RHBDL2: variants seen among roughly 807,000 people sequenced by gnomAD.
RHBDL2 encodes the protein rhomboid like 2.
Under a neutral mutation model 31.7 loss-of-function variants are expected in RHBDL2, and 26 were observed. The observed-to-expected ratio is 0.82, with a 90% CI of 0.60 to 1.14. The LOEUF is 1.14. Among genes scored for constraint, RHBDL2 ranks in the 50% most tolerant of loss-of-function variants. The pLI is 0.00. For synonymous variants in RHBDL2, 123 were observed against 127.2 expected (o/e 0.97, Z 0.22); for missense variants, 336 against 364.4 (o/e 0.92, Z 0.63).
At chr1:38,937,727 T>G (rs1323587538) in intron 1 of RHBDL2, among the ~76,000 whole-genome samples, 1 of 152,174 alleles carries the variant, frequency 6.6e-6, no homozygotes, top group African/African-American at 2.4e-5. Context: ...ATCCTTGAAC[T>G]TATTCCAGAT....
intron 1 of RHBDL2, among the ~76,000 whole-genome samples, chr1:38,920,645 C>T (rs530180219): frequency 4.1e-5 from 6 of 145,158 alleles, no homozygotes; most frequent in East Asian, 4.2e-4. Flanking sequence ...CTCGCTCTGT[C>T]GCCCAGGCTG....
At chr1:38,935,206 T>C (rs898441933) in intron 1 of RHBDL2, among the ~76,000 whole-genome samples, 6 of 152,146 alleles carry the variant, frequency 3.9e-5, no homozygotes, top group African/African-American at 1.4e-4. Flanking sequence ...GTCAAACCAA[T>C]TAGCCAAATC....
chr1:38,928,831 C>T (rs188600782), intron 1 of RHBDL2, among the ~76,000 whole-genome samples: 2,683 of 152,164 alleles, frequency 0.018, 44 homozygotes, highest in South Asian at 0.034. Context: ...GAGACCGAGG[C>T]AGGAGGATTG....
At chr1:38,915,094 C>T (rs1643213894) in intron 3 of RHBDL2, among the ~76,000 whole-genome samples, 2 of 151,704 alleles carry the variant, frequency 1.3e-5, no homozygotes, top group Non-Finnish European at 2.9e-5. Flanking sequence ...GAGGTCCTAG[C>T]TCTGCAACTT....
rs1557619097 is a variant in RHBDL2 at position 38,918,977 on chromosome 1, C to T, written c.236G>A (p.Ser79Asn). 1.9e-6 allele frequency: 3 copies of T among 1,613,006 alleles called. No individual in the cohort carries two copies. The highest frequency in any genetic ancestry group is 2.2e-5 in the South Asian group (2 of 91,002). The change falls in exon 2 of 8, where the codon AGC (serine) becomes AAC (asparagine). Residue 79 changes from serine (S) to asparagine (N), a missense_variant. Ser to Asn is a conservative substitution (Grantham distance 46). Transcript: ENST00000372990. The part of the protein sequence containing the change: ...FPPPVFIISI[S>N]LAELAVFIYY... ...CCGCTCCCCATTCACCTCGGCCAGG[C>T]TGATGGAGATGATGAACACGGGAGG...
intron 4 of RHBDL2, among the ~76,000 whole-genome samples, chr1:38,901,661 C>T (rs1642990978): frequency 6.6e-6 from 1 of 151,472 alleles, no homozygotes; most frequent in African/African-American, 2.4e-5. Flanking sequence ...CATGGTGAAA[C>T]CCCGTCTCTA....
intron 4 of RHBDL2, among the ~76,000 whole-genome samples, chr1:38,902,250 G>A (rs1180364150): frequency 8.5e-6 from 1 of 117,150 alleles, no homozygotes; most frequent in Admixed American, 1.2e-4. Flanking sequence ...CTGTCGCCCA[G>A]GCTGGAACGC....
chr1:38,925,278 A>T (rs993018305), intron 1 of RHBDL2, among the ~76,000 whole-genome samples: 1 of 151,546 alleles, frequency 6.6e-6, no homozygotes, highest in Non-Finnish European at 1.5e-5. Flanking sequence ...CAGGCAGATC[A>T]CTTGAGGTCA....
At chr1:38,936,404 G>A (rs1366592377) in intron 1 of RHBDL2, among the ~76,000 whole-genome samples, 1 of 151,504 alleles carries the variant, frequency 6.6e-6, no homozygotes, top group Admixed American at 6.6e-5. Flanking sequence ...TGTCTCCCAG[G>A]TTCAAGCAAT....
chr1:38,906,800 T>G (rs1322670549), intron 4 of RHBDL2, among the ~76,000 whole-genome samples: 1 of 152,160 alleles, frequency 6.6e-6, no homozygotes, highest in East Asian at 1.9e-4. Context: ...TGTTCATACA[T>G]TGAAACACTC....
At chr1:38,894,697 CTTTTTTTTTCT>C in intron 5 of RHBDL2, among the ~76,000 whole-genome samples, 1 of 67,408 alleles carries the variant, frequency 1.5e-5, no homozygotes, top group South Asian at 4.3e-4. Context: ...TCTTTTTTTT[CTTTTTTTTTCT>C]TTTTTTTTTT....
intron 2 of RHBDL2, 26 bp downstream of exon 2, chr1:38,918,941 C>G: frequency 6.2e-7 from 1 of 1,600,066 alleles, no homozygotes. Context: ...CCACTTACCC[C>G]GGTGCCCACC....
chr1:38,892,800 G>A (rs138884498), intron 6 of RHBDL2, among the ~76,000 whole-genome samples: 5 of 152,248 alleles, frequency 3.3e-5, no homozygotes, highest in South Asian at 2.1e-4. Flanking sequence ...CCCAGCTGCC[G>A]AAACTACCTG....
intron 6 of RHBDL2, among the ~76,000 whole-genome samples, chr1:38,888,342 G>T (rs1335136720): frequency 6.6e-6 from 1 of 151,584 alleles, no homozygotes; most frequent in Admixed American, 6.6e-5. Flanking sequence ...CTGACAAACT[G>T]TTGGGGGGTA....
intron 3 of RHBDL2, among the ~76,000 whole-genome samples, chr1:38,913,978 G>T (rs951112995): frequency 6.6e-6 from 1 of 151,902 alleles, no homozygotes; most frequent in Non-Finnish European, 1.5e-5. Flanking sequence ...TTAGCTGGGC[G>T]TGGTGGCACG....
intron 4 of RHBDL2, among the ~76,000 whole-genome samples, chr1:38,905,382 A>T (rs1643049932): frequency 2.0e-5 from 3 of 151,850 alleles, no homozygotes; most frequent in African/African-American, 7.3e-5. Flanking sequence ...TCTTTTTGCC[A>T]TCCACAGGAC....
chr1:38,936,474 T>C (rs192500299), intron 1 of RHBDL2, among the ~76,000 whole-genome samples: 2 of 150,094 alleles, frequency 1.3e-5, no homozygotes, highest in East Asian at 2.0e-4. Flanking sequence ...ACCATACCCA[T>C]CTAATTTTTG....
At chr1:38,940,760 T>G (rs932352069) in intron 1 of RHBDL2, among the ~76,000 whole-genome samples, 13 of 152,190 alleles carry the variant, frequency 8.5e-5, no homozygotes, top group African/African-American at 3.1e-4. Flanking sequence ...AATATCATTT[T>G]GAGCTGGCCG....
At chr1:38,929,598 G>T in intron 1 of RHBDL2, 1 of 1,274,742 alleles carries the variant, frequency 7.8e-7, no homozygotes, top group South Asian at 1.3e-5. Context: ...CCCTGCCGGG[G>T]CTGAGACCCG....
Sources: gnomAD v4.1 joint callset for allele counts (sites outside exome capture counted in the v4.1 genomes callset) on GRCh38, gnomAD v4.1.1 for gene constraint, MANE v1.5 for transcripts, NCBI Gene and HGNC (gene_info 2026-07-23, HGNC 2026-07-21) for gene names.